Variants in ALG12 observed in about 807,000 individuals in gnomAD.
The protein encoded by ALG12 is ALG12 alpha-1,6-mannosyltransferase.
A neutral mutation model predicts 46.0 loss-of-function variants in ALG12; 36 were observed. That is an observed-to-expected ratio of 0.78 (90% CI 0.60 to 1.03). The LOEUF (loss-of-function observed/expected upper bound fraction) is 1.03. ALG12 is among the 50% of genes least tolerant of loss of function. ALG12 has a pLI of 0.00. For missense variants in ALG12, 599 were observed against 633.5 expected, an observed-to-expected ratio of 0.95 and a Z score of 0.58; for synonymous variants, 326 against 291.6, an observed-to-expected ratio of 1.12 and a Z score of -1.20.
chr22:49,861,099 T>A, the ALG12 span, among the ~76,000 whole-genome samples: 1 of 152,204 alleles, frequency 6.6e-6, no homozygotes, highest in African/African-American at 2.4e-5. Context: ...TTACTTCTGC[T>A]ACGTCCTGTA....
chr22:49,863,700 A>G, the ALG12 span, among the ~76,000 whole-genome samples: 11 of 152,190 alleles, frequency 7.2e-5, no homozygotes, highest in Non-Finnish European at 1.5e-4. Flanking sequence ...TATTAAAGAT[A>G]AACCTCTTCT....
At chr22:49,887,524 G>A in the ALG12 span, 83 of 206,530 alleles carry the variant, frequency 4.0e-4, 1 homozygote, top group African/African-American at 1.9e-3. Context: ...TATTCTGTAG[G>A]CTTTTTACTC....
At chr22:49,859,602 C>T in the ALG12 span, among the ~76,000 whole-genome samples, 1 of 152,178 alleles carries the variant, frequency 6.6e-6, no homozygotes, top group Admixed American at 6.5e-5. Flanking sequence ...AGGCCATAGA[C>T]GTAGTCATTG....
At chr22:49,863,717 C>T in the ALG12 span, among the ~76,000 whole-genome samples, 13 of 152,142 alleles carry the variant, frequency 8.5e-5, no homozygotes, top group East Asian at 1.5e-3. Flanking sequence ...TTCTTATCCA[C>T]TCTCTGGTGT....
At chr22:49,876,320 G>A in the ALG12 span, among the ~76,000 whole-genome samples, 4 of 152,194 alleles carry the variant, frequency 2.6e-5, no homozygotes, top group African/African-American at 4.8e-5. Flanking sequence ...TGAATCTTCC[G>A]TGTCTTTACT....
chr22:49,886,368 C>T, the ALG12 span: 6 of 1,610,988 alleles, frequency 3.7e-6, no homozygotes, highest in Admixed American at 6.7e-5. This position sits in a 1 kb window ranked among gnomAD's most constrained non-coding sequence, Gnocchi z 7.7. Flanking sequence ...TCGAGCGGCT[C>T]ATTGAGCAGA....
At chr22:49,895,950 G>A (rs1326740696), downstream of ALG12, among the ~76,000 whole-genome samples, 4 of 152,300 alleles carry the variant, frequency 2.6e-5, no homozygotes, top group East Asian at 7.7e-4. Context: ...TTCTGGGAAG[G>A]GCAAATGCTG....
Position 49,901,767 on chromosome 22 carries a change from T to TGTGTGC in ALG12, c.*2070_*2071insGCACAC, listed in dbSNP as rs1569171307. 20 of 78,002 alleles carry TGTGTGC rather than the reference T, an allele frequency of 2.6e-4. No homozygotes were observed. Among genetic ancestry groups the TGTGTGC allele is most frequent in the African/African-American group, 1.6e-3 (10 of 6,420 alleles). The allele number at this position is 78,002 out of a possible 1,614,324, so 4.8% of individuals were successfully genotyped here. The stretch of plus-strand genomic sequence containing the variant: ...TTGTGCATGCGTGGTGTATGCATGG[T>TGTGTGC]AATGTGCACGTGTGCACTGTGTGTG... On this transcript the variant is annotated 3_prime_UTR_variant, in exon 10 of 10. Transcript: ENST00000330817.
the ALG12 span, chr22:49,887,188 C>T: frequency 1.9e-5 from 30 of 1,597,222 alleles, no homozygotes; most frequent in African/African-American, 2.1e-4. Context: ...AAACTCACGA[C>T]GGCACCACTA....
In ALG12 at chr22:49,907,900, G is replaced by A. The variant is rs146983871; in HGVS notation, c.813C>T (p.Gly271=). The A allele has an allele frequency of 6.2e-7, 1 of 1,613,534 alleles. No individual in the cohort carries two copies. The highest frequency in any genetic ancestry group is 8.5e-7 in the Non-Finnish European group (1 of 1,180,000). The part of the protein sequence containing the change: ...LWYFYSALPR[G]LGCSLLFIPL... ...GGATGAAGAGCAGGCTGCAGCCCAG[G>A]CCGCGGGGCAGGGCTGAGTAGAAGT... The change falls in exon 7 of 10, where the codon GGC becomes GGT. Residue 271 remains glycine (G), a synonymous_variant. Transcript: ENST00000330817.
At chr22:49,864,911 T>C in the ALG12 span, among the ~76,000 whole-genome samples, 1 of 140,186 alleles carries the variant, frequency 7.1e-6, no homozygotes, top group Non-Finnish European at 1.5e-5. Flanking sequence ...TGCTCCTTGA[T>C]TGACCATGGG....
At chr22:49,865,105 T>C in the ALG12 span, among the ~76,000 whole-genome samples, 1 of 152,032 alleles carries the variant, frequency 6.6e-6, no homozygotes, top group African/African-American at 2.4e-5. Context: ...ATGTTGTCGT[T>C]GTGTGAACCT....
At chr22:49,887,447 A>T in the ALG12 span, 2 of 324,064 alleles carry the variant, frequency 6.2e-6, no homozygotes, top group Non-Finnish European at 6.0e-6. Flanking sequence ...TCATAACCGT[A>T]AAGTTTTTTA....
chr22:49,897,208 C>T (rs9616775), downstream of ALG12, among the ~76,000 whole-genome samples: 13,577 of 148,550 alleles, frequency 0.091, 737 homozygotes, highest in South Asian at 0.2. Context: ...AGACATGCCA[C>T]AGTTTATCCA....
At chr22:49,884,423 C>T in the ALG12 span, 21 of 1,613,658 alleles carry the variant, frequency 1.3e-5, no homozygotes, top group Admixed American at 1.7e-5. Context: ...CTGGTGGGGT[C>T]GTCTCCCCAC....
rs769523769 is a variant in ALG12, at chr22:49,903,484, C to T, written c.*354G>A. 52 of 491,194 alleles carry T rather than the reference C, an allele frequency of 1.1e-4. 1 individual carries two copies. The Middle Eastern group carries it at 0.013, about 121-fold the overall frequency. The allele number at this position is 491,194 out of a possible 1,614,324, so 30.4% of individuals were successfully genotyped here. On this transcript the variant is annotated 3_prime_UTR_variant, in exon 10 of 10. Coordinates refer to ENST00000330817, the MANE Select transcript of ALG12 (RefSeq NM_024105.4). ...GCTCCCCCTGGGTGGGCAGGACACA[C>T]GTGGCCTCCTGGCAGACAGGTGCCT...
At chr22:49,897,210 G>A (rs150700093), downstream of ALG12, among the ~76,000 whole-genome samples, 1 of 149,312 alleles carries the variant, frequency 6.7e-6, no homozygotes, top group East Asian at 1.9e-4. Flanking sequence ...ACATGCCACA[G>A]TTTATCCATT....
chr22:49,887,289 C>A, the ALG12 span: 1 of 1,172,102 alleles, frequency 8.5e-7, no homozygotes, highest in Non-Finnish European at 1.2e-6. Flanking sequence ...AGACCAGGCA[C>A]TCTCAGGGCC....
intron 7 of ALG12, 60 bp from the exon 8 acceptor site, chr22:49,904,566 C>A: frequency 6.3e-7 from 1 of 1,585,230 alleles, no homozygotes; most frequent in East Asian, 2.2e-5. Flanking sequence ...ATTAATCTAC[C>A]TACAAAACAT....
Sources: gnomAD v4.1 joint callset for allele counts (sites outside exome capture counted in the v4.1 genomes callset) on GRCh38, gnomAD v4.1.1 for gene constraint, Gnocchi (gnomAD v3.1) non-coding constraint, MANE v1.5 for transcripts, NCBI Gene and HGNC (gene_info 2026-07-23, HGNC 2026-07-21) for gene names.